Variants in RPS23 observed in about 807,000 individuals in gnomAD.
RPS23 encodes the protein ribosomal protein S23, also known as small ribosomal subunit protein uS12.
For synonymous variants in RPS23, 66 were observed against 60.4 expected, an observed-to-expected ratio of 1.09 and a Z score of -0.43; for missense variants, 73 against 174.5, an observed-to-expected ratio of 0.42 and a Z score of 3.28.
In RPS23 at chr5:82,273,712, A is replaced by G. The variant is rs1331442636; in HGVS notation, c.*2397T>C. 1 of 152,034 alleles carries G rather than the reference A, an allele frequency of 6.6e-6. No individual in the cohort carries two copies. Among genetic ancestry groups the G allele is most frequent in the Non-Finnish European group, 1.5e-5 (1 of 68,018 alleles). The allele number at this position is 152,034 out of a possible 1,614,324, so 9.4% of individuals were successfully genotyped here. ...CAGGTACTGAGTATAAAACAATATA[A>G]AACAATATGAGAAGGTCTCTCTCTT... On this transcript the variant is annotated 3_prime_UTR_variant, in exon 4 of 4. Transcript: ENST00000296674.
In RPS23 at chr5:82,277,614, A is replaced by G. The variant is rs1747919968; in HGVS notation, c.164+79T>C. On this transcript the variant is annotated intron_variant, in intron 2 of 3. Coordinates refer to ENST00000296674, the MANE Select transcript of RPS23 (RefSeq NM_001025.5). ...TACTACTACACAAAAACCTGCAATT[A>G]CTTTCAAAACAAGAATTCGTAAGTT... 4 of 1,414,858 alleles carry G rather than the reference A, an allele frequency of 2.8e-6. No individual in the cohort carries two copies. In the Admixed American group the frequency reaches 6.8e-5, roughly 24 times the overall value. 87.6% of individuals were successfully genotyped at this position (1,414,858 alleles called of 1,614,324 possible).
rs373928890 is a variant in RPS23, at chr5:82,276,247, A to G, written c.294T>C (p.Asp98=). Reference sequence around the variant, plus strand: ...GACCAAATCCAGCAACCAGAACTTCATCATTTTCCTGGAATAAAATAAGAA... The same window carrying G: ...GACCAAATCCAGCAACCAGAACTTCGTCATTTTCCTGGAATAAAATAAGAA... The part of the protein sequence containing the change: ...DGCLNFIEEN[D]EVLVAGFGRK... The change falls in exon 4 of 4, where the codon GAT becomes GAC. Residue 98 remains aspartate (D), a synonymous_variant. Transcript: ENST00000296674. 1.5e-5 allele frequency: 24 copies of G among 1,613,374 alleles called. No individual in the cohort carries two copies. Among genetic ancestry groups the G allele is most frequent in the Non-Finnish European group, 1.2e-5 (14 of 1,179,776 alleles).
intron 2 of RPS23, chr5:82,276,890 T>A (rs1218646543): frequency 5.0e-6 from 1 of 198,106 alleles, no homozygotes; most frequent in Non-Finnish European, 1.0e-5. Context: ...GAGGTAAGAA[T>A]TAGAAAGTCT....
chr5:82,274,363 ATTAT>A lies in RPS23; in HGVS notation c.*1742_*1745del, dbSNP rs1747721529. On this transcript the variant is annotated 3_prime_UTR_variant, in exon 4 of 4. Coordinates refer to ENST00000296674, the MANE Select transcript of RPS23 (RefSeq NM_001025.5). ...AGCTTCTGGATCTGAGGCGCCGGAG[ATTAT>A]TTATGGGTCAATCTGGCAGCCCCTG... 6.6e-6 allele frequency: 1 copy of A among 152,384 alleles called. No individual in the cohort carries two copies. The allele number at this position is 152,384 out of a possible 1,614,324, so 9.4% of individuals were successfully genotyped here. A position where few individuals can be genotyped will look rare whatever the true frequency, so the allele number is the denominator to read the frequency against.
In RPS23 at chr5:82,275,974, G is replaced by T. The variant is rs1460318616; in HGVS notation, c.*135C>A. On this transcript the variant is annotated 3_prime_UTR_variant, in exon 4 of 4. Coordinates refer to ENST00000296674, the MANE Select transcript of RPS23 (RefSeq NM_001025.5). ...ATTGGTACAGGTCCTGCGTTTGCTG[G>T]TTTAGGATAAAAAAAATAAGGGGGG... The T allele has an allele frequency of 4.9e-6, 4 of 812,786 alleles. No individual in the cohort carries two copies. In the Admixed American group the frequency reaches 8.7e-5, roughly 18 times the overall value. 50.3% of individuals were successfully genotyped at this position (812,786 alleles called of 1,614,324 possible).
intron 2 of RPS23, chr5:82,277,379 G>T: frequency 5.3e-6 from 2 of 378,688 alleles, no homozygotes; most frequent in Non-Finnish European, 9.8e-6. Context: ...AGTCGATAAA[G>T]TTCAATAGCT....
In RPS23 at chr5:82,274,773, T is replaced by C. The variant is rs796407541; in HGVS notation, c.*1336A>G. On this transcript the variant is annotated 3_prime_UTR_variant, in exon 4 of 4. Coordinates refer to ENST00000296674, the MANE Select transcript of RPS23 (RefSeq NM_001025.5). ...CCCTGGGAACAGCTTAGCCAAATAC[T>C]GACTGCAGCTACACGTTAGGAAACA... 2.8e-4 allele frequency: 49 copies of C among 172,132 alleles called. No individual in the cohort carries two copies. The highest frequency in any genetic ancestry group is 1.0e-3 in the African/African-American group (44 of 42,096). The allele number at this position is 172,132 out of a possible 1,614,324, so 10.7% of individuals were successfully genotyped here. A position where few individuals can be genotyped will look rare whatever the true frequency, so the allele number is the denominator to read the frequency against.
rs185147754 is a variant in RPS23 at position 82,274,861 on chromosome 5, A to G, written c.*1248T>C. The G allele has an allele frequency of 1.7e-3, 409 of 238,560 alleles. 3 individuals carry two copies. The highest frequency in any genetic ancestry group is 8.7e-3 in the African/African-American group (388 of 44,606). The allele number at this position is 238,560 out of a possible 1,614,324, so 14.8% of individuals were successfully genotyped here. On this transcript the variant is annotated 3_prime_UTR_variant, in exon 4 of 4. Transcript: ENST00000296674. The stretch of plus-strand genomic sequence containing the variant: ...GAGGGAGAGACTAGCATCATCATCA[A>G]GAGATAAACCGAAGTGTGCTGGAAA...
At chr5:82,276,544 T>C in intron 2 of RPS23, 26 bp from the exon 3 acceptor site, 4 of 1,611,462 alleles carry the variant, frequency 2.5e-6, no homozygotes, top group Non-Finnish European at 3.4e-6. Context: ...CACAGCACTG[T>C]GAGCTGGCTT....
Position 82,274,842 on chromosome 5 carries a change from G to A in RPS23, c.*1267C>T, listed in dbSNP as rs1489669186. On this transcript the variant is annotated 3_prime_UTR_variant, in exon 4 of 4. Coordinates refer to ENST00000296674, the MANE Select transcript of RPS23 (RefSeq NM_001025.5). ...CAGCCTTTCCGCCCTTGCGGAGGGA[G>A]AGACTAGCATCATCATCAAGAGATA... 4.6e-6 allele frequency: 1 copy of A among 215,962 alleles called. No individual in the cohort carries two copies. Among genetic ancestry groups the A allele is most frequent in the Non-Finnish European group, 9.3e-6 (1 of 107,478 alleles). 13.4% of individuals were successfully genotyped at this position (215,962 alleles called of 1,614,324 possible). A position where few individuals can be genotyped will look rare whatever the true frequency, so the allele number is the denominator to read the frequency against.
chr5:82,277,633 G>C (rs921813507), intron 2 of RPS23, 60 bp downstream of exon 2: 11 of 1,520,492 alleles, frequency 7.2e-6, no homozygotes, highest in African/African-American at 1.4e-5. Flanking sequence ...ACAAGAATTC[G>C]TAAGTTCATG....
rs180706484 is a variant in RPS23 at position 82,274,835 on chromosome 5, G to A, written c.*1274C>T. Reference sequence around the variant, plus strand: ...CAACAGGCAGCCTTTCCGCCCTTGCGGAGGGAGAGACTAGCATCATCATCA... The same window carrying A: ...CAACAGGCAGCCTTTCCGCCCTTGCAGAGGGAGAGACTAGCATCATCATCA... On this transcript the variant is annotated 3_prime_UTR_variant, in exon 4 of 4. Transcript: ENST00000296674. 2 of 211,196 alleles carry A rather than the reference G, an allele frequency of 9.5e-6. No homozygotes were observed. Among genetic ancestry groups the A allele is most frequent in the African/African-American group, 2.3e-5 (1 of 43,554 alleles). 13.1% of individuals were successfully genotyped at this position (211,196 alleles called of 1,614,324 possible). A position where few individuals can be genotyped will look rare whatever the true frequency, so the allele number is the denominator to read the frequency against.
At position 82,275,754 on chromosome 5, in the gene RPS23, AAG is replaced by A. The variant is rs1747759298; in HGVS notation, c.*353_*354del. ...GATATGGAAAATACCAAGAATAAAAAAGAAAGTATCTCACTAGAATTTCAGTG... is the reference window on the plus strand; with the variant it reads ...GATATGGAAAATACCAAGAATAAAAAAAAGTATCTCACTAGAATTTCAGTG... On this transcript the variant is annotated 3_prime_UTR_variant, in exon 4 of 4. Coordinates refer to ENST00000296674, the MANE Select transcript of RPS23 (RefSeq NM_001025.5). 1.2e-5 allele frequency: 3 copies of A among 255,920 alleles called. No individual in the cohort carries two copies. Among genetic ancestry groups the A allele is most frequent in the Admixed American group, 4.9e-5 (1 of 20,462 alleles). 15.9% of individuals were successfully genotyped at this position (255,920 alleles called of 1,614,324 possible). A position where few individuals can be genotyped will look rare whatever the true frequency, so the allele number is the denominator to read the frequency against.
rs896481828 is a variant in RPS23, at chr5:82,273,708, T to C, written c.*2401A>G. The C allele has an allele frequency of 4.2e-5, 6 of 143,362 alleles. No homozygotes were observed. Among genetic ancestry groups the C allele is most frequent in the African/African-American group, 1.8e-4 (6 of 33,444 alleles). 8.9% of individuals were successfully genotyped at this position (143,362 alleles called of 1,614,324 possible). On this transcript the variant is annotated 3_prime_UTR_variant, in exon 4 of 4. Coordinates refer to ENST00000296674, the MANE Select transcript of RPS23 (RefSeq NM_001025.5). Reference sequence around the variant, plus strand: ...AAAACAGGTACTGAGTATAAAACAATATAAAACAATATGAGAAGGTCTCTC... The same window carrying C: ...AAAACAGGTACTGAGTATAAAACAACATAAAACAATATGAGAAGGTCTCTC...
At position 82,274,623 on chromosome 5, in the gene RPS23, C is replaced by CCTGGAATCGCG. The variant is rs1747730759; in HGVS notation, c.*1475_*1485dup. Reference sequence around the variant, plus strand: ...CCCACCCCGCGCCTGACGCCCAGGGCCTGGAATCGCGCTGCAACCGCGGCC... The same window carrying CCTGGAATCGCG: ...CCCACCCCGCGCCTGACGCCCAGGGCCTGGAATCGCGCTGGAATCGCGCTGCAACCGCGGCC... On this transcript the variant is annotated 3_prime_UTR_variant, in exon 4 of 4. Transcript: ENST00000296674. 1 of 152,652 alleles carries CCTGGAATCGCG rather than the reference C, an allele frequency of 6.6e-6. No homozygotes were observed. The highest frequency in any genetic ancestry group is 2.4e-5 in the African/African-American group (1 of 41,464). The allele number at this position is 152,652 out of a possible 1,614,324, so 9.5% of individuals were successfully genotyped here.
intron 2 of RPS23, 58 bp downstream of exon 2, chr5:82,277,635 A>G: frequency 6.6e-7 from 1 of 1,520,644 alleles, no homozygotes; most frequent in Non-Finnish European, 9.1e-7. Flanking sequence ...AAGAATTCGT[A>G]AGTTCATGTC....
chr5:82,276,020 G>C lies in RPS23; in HGVS notation c.*89C>G. ...GGGGGGTGGTGGTGGTAATGAACAT[G>C]ATCTTCGTGGTGAGAACAGGGGACA... On this transcript the variant is annotated 3_prime_UTR_variant, in exon 4 of 4. Transcript: ENST00000296674. 7.9e-7 allele frequency: 1 copy of C among 1,262,958 alleles called. No homozygotes were observed. Among genetic ancestry groups the C allele is most frequent in the Non-Finnish European group, 1.1e-6 (1 of 902,442 alleles). 78.2% of individuals were successfully genotyped at this position (1,262,958 alleles called of 1,614,324 possible). A position where few individuals can be genotyped will look rare whatever the true frequency, so the allele number is the denominator to read the frequency against.
rs1286288843 is a variant in RPS23 at position 82,277,859 on chromosome 5, A to C, written c.5-7T>G. On this transcript the variant is annotated splice_polypyrimidine_tract_variant and splice_region_variant and intron_variant, in intron 1 of 3. Transcript: ENST00000296674. ...CGAAGTCCACGACACTTGCCTAAAA[A>C]TTAAATATTTTAGTTCTTCCGTAAA... 8.7e-6 allele frequency: 14 copies of C among 1,610,168 alleles called. No homozygotes were observed. In the South Asian group the frequency reaches 1.3e-4, roughly 15 times the overall value.
chr5:82,275,077 G>T lies in RPS23; in HGVS notation c.*1032C>A. 1 of 608,954 alleles carries T rather than the reference G, an allele frequency of 1.6e-6. No homozygotes were observed. The highest frequency in any genetic ancestry group is 2.9e-6 in the Non-Finnish European group (1 of 341,348). The allele number at this position is 608,954 out of a possible 1,614,324, so 37.7% of individuals were successfully genotyped here. A position where few individuals can be genotyped will look rare whatever the true frequency, so the allele number is the denominator to read the frequency against. ...TATGCAGGTATGAAGCGCAACCTGG[G>T]TTCTTCTGTGCCATGTGAAAGGTTC... On this transcript the variant is annotated 3_prime_UTR_variant, in exon 4 of 4. Transcript: ENST00000296674.
Sources: allele counts gnomAD v4.1 joint callset, GRCh38; gene constraint gnomAD v4.1.1; transcripts MANE v1.5; gene names NCBI Gene and HGNC (gene_info 2026-07-23, HGNC 2026-07-21).